PARN: variants seen among roughly 807,000 people sequenced by gnomAD.
The protein encoded by PARN is poly(A)-specific ribonuclease PARN.
A neutral mutation model predicts 102.8 loss-of-function variants in PARN; 71 were observed. The ratio of observed to expected loss-of-function variants is 0.69; its 90% confidence interval spans 0.57 to 0.84. The LOEUF (loss-of-function observed/expected upper bound fraction) is 0.84. PARN is among the 40% of genes least tolerant of loss of function. PARN has a pLI of 0.00. For missense variants in PARN, 782 were observed against 760.9 expected (o/e 1.03, Z -0.33); for synonymous variants, 261 against 252.9 (o/e 1.03, Z -0.30).
Position 14,610,733 on chromosome 16 carries a change from A to G in PARN, c.465T>C (p.Gly155=), listed in dbSNP as rs1555508032. The G allele has an allele frequency of 1.2e-6, 2 of 1,605,668 alleles. No individual in the cohort carries two copies. Among genetic ancestry groups the G allele is most frequent in the Non-Finnish European group, 8.5e-7 (1 of 1,172,382 alleles). The change falls in exon 7 of 24, where the codon GGT becomes GGC. Residue 155 remains glycine, a synonymous_variant. Transcript: ENST00000437198. ...QYDEKRSQAN[G]AGALSYVSPN... ...GAGATACATAGGACAGAGCTCCTGCACCATTCGCCTGTGAACGTTTTTCAT... is the reference window on the plus strand; with the variant it reads ...GAGATACATAGGACAGAGCTCCTGCGCCATTCGCCTGTGAACGTTTTTCAT...
At chr16:14,471,357 T>G in intron 22 of PARN, among the ~76,000 whole-genome samples, 1 of 152,328 alleles carries the variant, frequency 6.6e-6, no homozygotes, top group Middle Eastern at 3.4e-3. Context: ...ATATGATAAT[T>G]CACTCATGAA....
intron 22 of PARN, among the ~76,000 whole-genome samples, chr16:14,458,703 G>A (rs977344048): frequency 7.9e-5 from 12 of 152,126 alleles, no homozygotes; most frequent in African/African-American, 2.4e-4. Flanking sequence ...TTCCTAAAAC[G>A]AGCAGGTGAT....
At chr16:14,553,037 A>G (rs1015545721) in intron 20 of PARN, among the ~76,000 whole-genome samples, 1 of 152,074 alleles carries the variant, frequency 6.6e-6, no homozygotes, top group Non-Finnish European at 1.5e-5. Flanking sequence ...AAATATTTAC[A>G]TGCAGAAATG....
intron 5 of PARN, among the ~76,000 whole-genome samples, chr16:14,619,834 G>T (rs879299374): frequency 1.3e-5 from 2 of 151,980 alleles, no homozygotes; most frequent in Non-Finnish European, 2.9e-5. Flanking sequence ...CACTTTCGGA[G>T]GCTGAGGCAG....
intron 19 of PARN, 72 bp from the exon 20 acceptor site, chr16:14,554,223 A>C: frequency 1.0e-6 from 1 of 1,002,182 alleles, no homozygotes; most frequent in Non-Finnish European, 1.5e-6. Flanking sequence ...TCTTTGATGA[A>C]ACTAAGTCTG....
intron 13 of PARN, among the ~76,000 whole-genome samples, chr16:14,590,853 C>T (rs972067845): frequency 4.6e-5 from 7 of 152,018 alleles, no homozygotes; most frequent in African/African-American, 7.2e-5. Context: ...AAAATGCTGA[C>T]GGAACAATGG....
At chr16:14,534,840 T>TC (rs1012745143) in intron 21 of PARN, among the ~76,000 whole-genome samples, 1 of 151,846 alleles carries the variant, frequency 6.6e-6, no homozygotes, top group African/African-American at 2.4e-5. Context: ...TAAATTTTTT[T>TC]TTTTTTTTTT....
chr16:14,619,045 A>C (rs1005747746), intron 5 of PARN, among the ~76,000 whole-genome samples: 2 of 151,716 alleles, frequency 1.3e-5, no homozygotes, highest in African/African-American at 2.4e-5. Flanking sequence ...AAAATTTAAA[A>C]ATTAGCCAGG....
rs1013588906 is a variant in PARN at position 14,580,823 on chromosome 16, G to C, written c.1262+51C>G. The C allele has an allele frequency of 1.0e-5, 11 of 1,051,674 alleles. No individual in the cohort carries two copies. In the East Asian group the frequency reaches 2.6e-4, roughly 25 times the overall value. The allele number at this position is 1,051,674 out of a possible 1,614,324, so 65.1% of individuals were successfully genotyped here. On this transcript the variant is annotated intron_variant, in intron 18 of 23. Transcript: ENST00000437198. ...TCCAAACTGACATCCCAAGATATGA[G>C]GCTGTTCCACAGTGAGAGAACTTGG...
intron 22 of PARN, among the ~76,000 whole-genome samples, chr16:14,475,095 TA>T (rs1962967503): frequency 6.6e-6 from 1 of 152,170 alleles, no homozygotes; most frequent in East Asian, 1.9e-4. Flanking sequence ...TTTAGTCTCA[TA>T]GAAAGGAAAG....
chr16:14,508,158 G>T (rs1483504926), intron 21 of PARN, among the ~76,000 whole-genome samples: 1 of 149,970 alleles, frequency 6.7e-6, no homozygotes, highest in African/African-American at 2.5e-5. Context: ...CAGGTCAATA[G>T]ACAAATAACA....
chr16:14,447,794 T>A (rs544765844), intron 22 of PARN, among the ~76,000 whole-genome samples: 14 of 152,298 alleles, frequency 9.2e-5, no homozygotes, highest in African/African-American at 3.4e-4. Flanking sequence ...GAGATTTTTT[T>A]ATTATAGCCC....
At chr16:14,539,305 TCTC>T (rs1966750914) in intron 21 of PARN, among the ~76,000 whole-genome samples, 1 of 152,204 alleles carries the variant, frequency 6.6e-6, no homozygotes, top group African/African-American at 2.4e-5. Context: ...GTGCTCCCCT[TCTC>T]CTGGCTGCAT....
intron 18 of PARN, among the ~76,000 whole-genome samples, chr16:14,580,197 C>T (rs1969432358): frequency 6.6e-6 from 1 of 152,092 alleles, no homozygotes; most frequent in African/African-American, 2.4e-5. Context: ...GTCTCAATCT[C>T]CTGACTTCAT....
intron 18 of PARN, among the ~76,000 whole-genome samples, chr16:14,574,733 C>A (rs1006703075): frequency 5.3e-5 from 8 of 151,998 alleles, no homozygotes; most frequent in African/African-American, 1.9e-4. Context: ...AAAAGAAAAT[C>A]CCATTTTCTG....
chr16:14,529,492 T>G (rs1160928953), intron 21 of PARN, among the ~76,000 whole-genome samples: 2 of 152,256 alleles, frequency 1.3e-5, no homozygotes, highest in African/African-American at 4.8e-5. Flanking sequence ...TGGCTACTGC[T>G]CCACTTCTGG....
intron 22 of PARN, among the ~76,000 whole-genome samples, chr16:14,470,536 C>T (rs1385342425): frequency 1.3e-5 from 2 of 151,758 alleles, no homozygotes; most frequent in Non-Finnish European, 2.9e-5. Context: ...CAGCTCACTG[C>T]AGCCTCGACT....
intron 21 of PARN, among the ~76,000 whole-genome samples, chr16:14,498,870 T>G (rs1013315967): frequency 6.6e-6 from 1 of 152,224 alleles, no homozygotes; most frequent in African/African-American, 2.4e-5. Context: ...AATTTTACGC[T>G]TTGCCTTGAT....
At chr16:14,614,934 C>T (rs1294941887) in intron 6 of PARN, among the ~76,000 whole-genome samples, 1 of 147,540 alleles carries the variant, frequency 6.8e-6, no homozygotes, top group Non-Finnish European at 1.5e-5. Flanking sequence ...AAGGAGGACA[C>T]CTAGCACAGC....
Sources: gnomAD v4.1 joint callset for allele counts (sites outside exome capture counted in the v4.1 genomes callset) on GRCh38, gnomAD v4.1.1 for gene constraint, MANE v1.5 for transcripts, NCBI Gene and HGNC (gene_info 2026-07-23, HGNC 2026-07-21) for gene names.